The following GREB1L variants were observed in gnomAD, a reference collection of about 807,000 sequenced individuals.
GREB1L encodes GREB1-like protein.
GREB1L carries 17 observed loss-of-function variants against 200.8 expected under a neutral mutation model. The ratio of observed to expected loss-of-function variants is 0.08; its 90% confidence interval spans 0.06 to 0.13. GREB1L has a LOEUF of 0.13. GREB1L is among the 10% of genes least tolerant of loss of function. The probability of loss-of-function intolerance (pLI) is 1.00; values close to 1 mark genes in which losing one functional copy is unlikely to be tolerated. For missense variants in GREB1L, 1,657 were observed against 2,367.7 expected (o/e 0.70, Z 6.23); for synonymous variants, 789 against 893.0 (o/e 0.88, Z 2.08).
chr18:21,305,839 C>T (rs1193770703), intron 1 of GREB1L, among the ~76,000 whole-genome samples: 1 of 152,098 alleles, frequency 6.6e-6, no homozygotes, highest in Non-Finnish European at 1.5e-5. Flanking sequence ...CAAGCCTGCC[C>T]AGCTCATTCC....
intron 2 of GREB1L, among the ~76,000 whole-genome samples, chr18:21,370,964 A>G (rs2039849748): frequency 6.6e-6 from 1 of 152,132 alleles, no homozygotes; most frequent in Non-Finnish European, 1.5e-5. Context: ...CTCTAGTCTC[A>G]GGTACTTGGG....
At chr18:21,329,323 TAA>T (rs35862944) in intron 1 of GREB1L, among the ~76,000 whole-genome samples, 42 of 92,336 alleles carry the variant, frequency 4.5e-4, no homozygotes, top group Middle Eastern at 7.6e-3. Context: ...AGACTCTGTC[TAA>T]AAAAAAAAAA....
rs575981656 is a variant in GREB1L, at chr18:21,325,602, C to T, written c.-119-40425C>T. ...GGCTGAGGCAAGAGGATCACTTGGG[C>T]CCAGGAGTTTGAGACAAACCTGGGC... On this transcript the variant is annotated intron_variant, in intron 1 of 32. Coordinates refer to ENST00000424526, the MANE Select transcript of GREB1L (RefSeq NM_001142966.3). Among the ~76,000 whole-genome samples the T allele has an allele frequency of 3.3e-5, 5 of 151,836 alleles. No homozygotes were observed. In the South Asian group the frequency reaches 8.4e-4, roughly 25 times the overall value.
chr18:21,437,579 A>C (rs2033626543), intron 7 of GREB1L, among the ~76,000 whole-genome samples: 1 of 152,158 alleles, frequency 6.6e-6, no homozygotes, highest in African/African-American at 2.4e-5. Flanking sequence ...CCAAAAAAAA[A>C]ACCTGAATTT....
intron 17 of GREB1L, among the ~76,000 whole-genome samples, chr18:21,477,962 A>G (rs2035772462): frequency 1.3e-5 from 2 of 152,184 alleles, no homozygotes; most frequent in African/African-American, 4.8e-5. Flanking sequence ...TTTCAAAAAG[A>G]AAATGTTGAT....
At chr18:21,365,308 A>G (rs1181405582) in intron 1 of GREB1L, among the ~76,000 whole-genome samples, 3 of 152,280 alleles carry the variant, frequency 2.0e-5, no homozygotes, top group East Asian at 1.9e-4. Flanking sequence ...TATGTTATCT[A>G]TAAAAATCAA....
rs767924824 is a variant in GREB1L, at chr18:21,500,563, A to G, written c.3993A>G (p.Leu1331=). 64 of 1,550,606 alleles carry G rather than the reference A, an allele frequency of 4.1e-5. No individual in the cohort carries two copies. The highest frequency in any genetic ancestry group is 5.5e-5 in the Non-Finnish European group (63 of 1,146,618). Residue 1331 remains leucine (L), a synonymous_variant, in exon 23 of 33, where the codon TTA becomes TTG. Coordinates refer to ENST00000424526, the MANE Select transcript of GREB1L (RefSeq NM_001142966.3). ...AGGTGGGAAAGACGGGCTCCTATTTACAGTTCCTCAGGATCCTCTTCCGCA... is the reference window on the plus strand; with the variant it reads ...AGGTGGGAAAGACGGGCTCCTATTTGCAGTTCCTCAGGATCCTCTTCCGCA... The part of the protein sequence containing the change: ...PPQVGKTGSY[L]QFLRILFRML...
At chr18:21,243,238 G>C (rs1201393010) in intron 1 of GREB1L, among the ~76,000 whole-genome samples, 2 of 152,110 alleles carry the variant, frequency 1.3e-5, no homozygotes, top group African/African-American at 4.8e-5. Context: ...ACTCCATGTG[G>C]AGATTCAGTG....
chr18:21,466,348 TGATTATA>T (rs2035262752), intron 15 of GREB1L, among the ~76,000 whole-genome samples: 1 of 152,108 alleles, frequency 6.6e-6, no homozygotes, highest in African/African-American at 2.4e-5. Flanking sequence ...TTTTCCAAAG[TGATTATA>T]TTTACACTCC....
chr18:21,440,162 C>A, intron 8 of GREB1L, 107 bp from the exon 9 acceptor site: 1 of 1,168,256 alleles, frequency 8.6e-7, no homozygotes, highest in South Asian at 1.6e-5. Context: ...TGAGTATAAT[C>A]AAATTAAAGG....
At chr18:21,417,585 A>G (rs534798842) in intron 7 of GREB1L, among the ~76,000 whole-genome samples, 24 of 152,240 alleles carry the variant, frequency 1.6e-4, no homozygotes, top group African/African-American at 5.5e-4. Context: ...CGTACAAAAT[A>G]TGGAATAGTT....
chr18:21,267,324 G>C (rs936202889), intron 1 of GREB1L, among the ~76,000 whole-genome samples: 13 of 151,558 alleles, frequency 8.6e-5, no homozygotes, highest in African/African-American at 2.9e-4. Flanking sequence ...TGGGATTACA[G>C]GTGCATGCCA....
At chr18:21,321,546 G>A (rs1184634927) in intron 1 of GREB1L, among the ~76,000 whole-genome samples, 2 of 151,874 alleles carry the variant, frequency 1.3e-5, no homozygotes, top group Non-Finnish European at 2.9e-5. Context: ...AATTAGCTGG[G>A]CATGGTGGCG....
At chr18:21,375,225 C>T (rs180994764) in intron 2 of GREB1L, among the ~76,000 whole-genome samples, 20 of 151,696 alleles carry the variant, frequency 1.3e-4, no homozygotes, top group Admixed American at 3.3e-4. Flanking sequence ...CCACCACGCC[C>T]GGCTAATTTT....
chr18:21,356,130 C>T (rs1321047641), intron 1 of GREB1L, among the ~76,000 whole-genome samples: 3 of 151,358 alleles, frequency 2.0e-5, no homozygotes, highest in Non-Finnish European at 4.4e-5. Context: ...TGTGCCACCA[C>T]ACCCAACTAA....
At chr18:21,412,283 C>T (rs1439773522) in intron 7 of GREB1L, among the ~76,000 whole-genome samples, 3 of 151,732 alleles carry the variant, frequency 2.0e-5, no homozygotes, top group Non-Finnish European at 4.4e-5. Flanking sequence ...TGTGTTGACA[C>T]ATGCCTGTAG....
At chr18:21,424,949 T>C (rs1335744040) in intron 7 of GREB1L, among the ~76,000 whole-genome samples, 1 of 152,232 alleles carries the variant, frequency 6.6e-6, no homozygotes, top group African/African-American at 2.4e-5. Flanking sequence ...GGCATAATGT[T>C]TTCAAGGTTC....
chr18:21,446,423 T>G (rs1386787928), intron 11 of GREB1L, among the ~76,000 whole-genome samples: 1 of 152,146 alleles, frequency 6.6e-6, no homozygotes, highest in Admixed American at 6.5e-5. Context: ...TACTAAATGC[T>G]CTTATCTTTT....
At chr18:21,499,586 C>A in intron 21 of GREB1L, 143 bp from the exon 22 acceptor site, 1 of 634,586 alleles carries the variant, frequency 1.6e-6, no homozygotes, top group Non-Finnish European at 2.7e-6. Context: ...ATGTGGAGAG[C>A]GGCAAAGAGA....
Sources: allele counts gnomAD v4.1 joint callset (sites outside exome capture counted in the v4.1 genomes callset), GRCh38; gene constraint gnomAD v4.1.1; transcripts MANE v1.5; gene names NCBI Gene and HGNC (gene_info 2026-07-23, HGNC 2026-07-21).